NEK3: variants seen among roughly 807,000 people sequenced by gnomAD.
NEK3 encodes NIMA related kinase 3.
NEK3 carries 54 observed loss-of-function variants against 66.0 expected under a neutral mutation model. The observed-to-expected ratio is 0.82, with a 90% CI of 0.66 to 1.03. The LOEUF is 1.03. Ranked by LOEUF, NEK3 falls within the 50% of genes least tolerant of loss-of-function variation. The pLI, the probability that NEK3 is intolerant of heterozygous loss-of-function variation, is 0.00. For missense variants in NEK3, 593 were observed against 603.0 expected (o/e 0.98, Z 0.17); for synonymous variants, 200 against 206.2 (o/e 0.97, Z 0.26).
rs755551629 is a variant in NEK3 at position 52,133,647 on chromosome 13, C to CACACACACACACACACACACACACA, written c.1436+41_1436+42insTGTGTGTGTGTGTGTGTGTGTGTGT. ...CACACACACACACACACACACACACCCCCAACCCCAGCTACAGCTTTCTAT... is the reference window on the plus strand; with the variant it reads ...CACACACACACACACACACACACACCACACACACACACACACACACACACACCCAACCCCAGCTACAGCTTTCTAT... On this transcript the variant is annotated intron_variant, in intron 15 of 15. Transcript: ENST00000610828. The CACACACACACACACACACACACACA allele has an allele frequency of 2.8e-6, 3 of 1,067,620 alleles. No homozygotes were observed. In the African/African-American group the frequency reaches 4.9e-5, roughly 18 times the overall value. 66.1% of individuals were successfully genotyped at this position (1,067,620 alleles called of 1,614,324 possible).
Position 52,135,792 on chromosome 13 carries a change from A to G in NEK3, c.1246T>C (p.Leu416=). Residue 416 remains leucine (L), a synonymous_variant, in exon 14 of 16, where the codon TTG becomes CTG. Coordinates refer to ENST00000610828, the MANE Select transcript of NEK3 (RefSeq NM_002498.3). ...AGATCAGCATTCTTAAGGATGTTCA[A>G]CAAAGTGTCAGGGGTCTCTTTGAGC... The part of the protein sequence containing the change: ...QWLKETPDTL[L]NILKNADLSL... 1 of 1,613,714 alleles carries G rather than the reference A, an allele frequency of 6.2e-7. No homozygotes were observed. Among genetic ancestry groups the G allele is most frequent in the Non-Finnish European group, 8.5e-7 (1 of 1,179,678 alleles).
intron 15 of NEK3, 59 bp from the exon 16 acceptor site, chr13:52,133,285 G>A (rs889457709): frequency 1.3e-5 from 17 of 1,330,726 alleles, no homozygotes; most frequent in Non-Finnish European, 1.7e-5. Context: ...ATCTGTTGAT[G>A]AGTTCAAAGC....
Position 52,133,244 on chromosome 13 carries a change from G to C in NEK3, c.1437-18C>G. The C allele has an allele frequency of 6.3e-7, 1 of 1,583,210 alleles. No homozygotes were observed. Among genetic ancestry groups the C allele is most frequent in the East Asian group, 2.3e-5 (1 of 44,092 alleles). ...CAAAGTCCCTGTGAAAAAACAATTT[G>C]GACCATAAACCTCTACATTAGGGGC... On this transcript the variant is annotated intron_variant, in intron 15 of 15. Transcript: ENST00000610828.
At chr13:52,145,700 C>T (rs1956289873) in intron 8 of NEK3, among the ~76,000 whole-genome samples, 1 of 152,130 alleles carries the variant, frequency 6.6e-6, no homozygotes, top group African/African-American at 2.4e-5. Flanking sequence ...ATGAGTAACA[C>T]CGTGGGATAT....
Position 52,153,813 on chromosome 13 carries a change from T to A in NEK3, c.309+82A>T, listed in dbSNP as rs1416000493. On this transcript the variant is annotated intron_variant, in intron 4 of 15. Transcript: ENST00000610828. ...CTTCTCGGGTAATTACAGATATCAA[T>A]GCTTTTATTTTAACTTATATAAAGT... The A allele has an allele frequency of 9.8e-6, 9 of 918,122 alleles. No individual in the cohort carries two copies. In the African/African-American group the frequency reaches 9.9e-5, roughly 10 times the overall value. 56.9% of individuals were successfully genotyped at this position (918,122 alleles called of 1,614,324 possible). A position where few individuals can be genotyped will look rare whatever the true frequency, so the allele number is the denominator to read the frequency against.
intron 10 of NEK3, among the ~76,000 whole-genome samples, chr13:52,143,373 G>C: frequency 6.6e-6 from 1 of 150,584 alleles, no homozygotes; most frequent in East Asian, 1.9e-4. Flanking sequence ...TGAATACGGA[G>C]AGTCCCATAT....
intron 2 of NEK3, among the ~76,000 whole-genome samples, chr13:52,154,631 A>G (rs1956376796): frequency 6.6e-6 from 1 of 151,934 alleles, no homozygotes. Flanking sequence ...AGATAAAAAA[A>G]GAGTATGCTG....
chr13:52,133,702 C>T lies in NEK3; in HGVS notation c.1423G>A (p.Asp475Asn), dbSNP rs1956177069. 1.3e-6 allele frequency: 2 copies of T among 1,555,214 alleles called. No homozygotes were observed. Among genetic ancestry groups the T allele is most frequent in the Non-Finnish European group, 1.7e-6 (2 of 1,148,520 alleles). Residue 475 changes from aspartate to asparagine, a missense_variant, in exon 15 of 16, where the codon GAT (aspartate) becomes AAT (asparagine). Physicochemically the swap from Asp to Asn is conservative, Grantham distance 23. Coordinates refer to ENST00000610828, the MANE Select transcript of NEK3 (RefSeq NM_002498.3). The part of the protein sequence containing the change: ...LDPERLEPGL[D>N]EEDTDFEEED... ...ATCACAACGTACGTGTCCTCCTCAT[C>T]TAGCCCAGGCTCAAGTCGCTCTGGA...
chr13:52,144,136 G>A (rs970718568), intron 9 of NEK3, 149 bp from the exon 10 acceptor site: 12 of 555,254 alleles, frequency 2.2e-5, no homozygotes, highest in South Asian at 4.4e-5. Flanking sequence ...CATACAGGCC[G>A]GGCATGGTGG....
Position 52,148,166 on chromosome 13 carries a change from A to G in NEK3, c.603+249T>C, listed in dbSNP as rs2138204045. ...TAAAAAATTAAGAATAGCAAAAAGA[A>G]AGAAAAGAGGAAAAGAGAAAGAAAG... On this transcript the variant is annotated intron_variant, in intron 8 of 15. Coordinates refer to ENST00000610828, the MANE Select transcript of NEK3 (RefSeq NM_002498.3). 8.3e-6 allele frequency: 3 copies of G among 360,874 alleles called. No individual in the cohort carries two copies. The East Asian group carries it at 1.2e-4, about 15-fold the overall frequency. The allele number at this position is 360,874 out of a possible 1,614,324, so 22.4% of individuals were successfully genotyped here.
At chr13:52,139,973 G>A (rs1177346365) in intron 11 of NEK3, among the ~76,000 whole-genome samples, 3 of 150,752 alleles carry the variant, frequency 2.0e-5, no homozygotes, top group East Asian at 2.0e-4. Context: ...AGGCCGAGGC[G>A]GGAGGATCAC....
chr13:52,151,430 T>C (rs1479811031), intron 5 of NEK3, 38 bp from the exon 6 acceptor site: 1 of 1,521,920 alleles, frequency 6.6e-7, no homozygotes, highest in Non-Finnish European at 8.9e-7. Context: ...ATGTCTTCTA[T>C]CATCAAACAT....
At position 52,139,525 on chromosome 13, in the gene NEK3, TAATTAAC is replaced by T. The variant is rs1956230516; in HGVS notation, c.927+1488_927+1494del. The stretch of plus-strand genomic sequence containing the variant: ...TGATGGTTGCACAGTATTATGAATG[TAATTAAC>T]ACCACTCAATTGTACACTCAGAATT... On this transcript the variant is annotated intron_variant, in intron 11 of 15. Transcript: ENST00000610828. 2.0e-5 allele frequency among the ~76,000 whole-genome samples: 3 copies of T among 152,166 alleles called. No homozygotes were observed. The South Asian group carries it at 6.2e-4, about 31-fold the overall frequency.
Position 52,151,189 on chromosome 13 carries a change from C to T in NEK3, c.505G>A (p.Val169Met). The T allele has an allele frequency of 1.2e-6, 2 of 1,610,776 alleles. No individual in the cohort carries two copies. Among genetic ancestry groups the T allele is most frequent in the Non-Finnish European group, 1.7e-6 (2 of 1,178,584 alleles). Residue 169 changes from valine (V) to methionine (M), a missense_variant, in exon 7 of 16, where the codon GTG (valine) becomes ATG (methionine). By Grantham distance (21) the Val-to-Met change is conservative (BLOSUM62 1). Transcript: ENST00000610828. The stretch of plus-strand genomic sequence containing the variant: ...AGGTTTTCCCAAATTTCTGGAGGCA[C>T]ATAATAAGGAGTTCCCACATAGGTA... ...ACTYVGTPYY[V>M]PPEIWENLPY... is the part of the protein sequence containing the mutation.
chr13:52,154,010 T>C lies in NEK3; in HGVS notation c.212-18A>G, dbSNP rs770175308. On this transcript the variant is annotated intron_variant, in intron 3 of 15. Coordinates refer to ENST00000610828, the MANE Select transcript of NEK3 (RefSeq NM_002498.3). Reference sequence around the variant, plus strand: ...TCCTTCAGCTAAAACAGATATAAGCTCTTTAGAAAAGCTGTAGTGGCTATA... The same window carrying C: ...TCCTTCAGCTAAAACAGATATAAGCCCTTTAGAAAAGCTGTAGTGGCTATA... 42 of 1,606,726 alleles carry C rather than the reference T, an allele frequency of 2.6e-5. No homozygotes were observed. The highest frequency in any genetic ancestry group is 2.3e-4 in the South Asian group (21 of 90,792).
At position 52,144,882 on chromosome 13, in the gene NEK3, T is replaced by C; in HGVS notation, c.613A>G (p.Asn205Asp). ...LCTLKHPFQA[N>D]SWKNLILKVC... ...TTGAGGATAAGATTTTTCCAACTAT[T>C]TGCCTGAAACTGAAAAGGAAAATTG... The change falls in exon 9 of 16, where the codon AAT becomes GAT. Residue 205 changes from asparagine (N) to aspartate (D), a missense_variant. Transcript: ENST00000610828. 6.3e-7 allele frequency: 1 copy of C among 1,599,136 alleles called. No individual in the cohort carries two copies. Among genetic ancestry groups the C allele is most frequent in the Non-Finnish European group, 8.5e-7 (1 of 1,172,304 alleles).
chr13:52,143,777 A>C (rs1202631943), intron 10 of NEK3, 138 bp downstream of exon 10: 2 of 589,378 alleles, frequency 3.4e-6, no homozygotes, highest in Non-Finnish European at 3.0e-6. Flanking sequence ...TTACATCTAA[A>C]GTAACAAAAA....
intron 15 of NEK3, 81 bp from the exon 16 acceptor site, chr13:52,133,307 A>T (rs750397995): frequency 1.1e-4 from 128 of 1,123,756 alleles, no homozygotes; most frequent in Non-Finnish European, 1.6e-4. Flanking sequence ...GAATACCACC[A>T]TAACAATACT....
In NEK3 at chr13:52,151,219, C is replaced by T; in HGVS notation, c.475G>A (p.Ala159Thr). 6.2e-7 allele frequency: 1 copy of T among 1,609,012 alleles called. No individual in the cohort carries two copies. The highest frequency in any genetic ancestry group is 1.1e-5 in the South Asian group (1 of 89,652). ...ARLLSNPMAF[A>T]CTYVGTPYYV... ...TAAGGAGTTCCCACATAGGTACAAG[C>T]AAATGCCATCGGACTAAAACCATAA... Residue 159 changes from alanine (A) to threonine (T), a missense_variant, in exon 7 of 16, where the codon GCT becomes ACT. Ala to Thr is a moderately conservative substitution (Grantham distance 58). Transcript: ENST00000610828.
Sources: gnomAD v4.1 joint callset for allele counts (sites outside exome capture counted in the v4.1 genomes callset) on GRCh38, gnomAD v4.1.1 for gene constraint, MANE v1.5 for transcripts, NCBI Gene and HGNC (gene_info 2026-07-23, HGNC 2026-07-21) for gene names.